Variants in ELMO1 observed in about 807,000 individuals in gnomAD.
ELMO1 encodes engulfment and cell motility protein 1.
ELMO1 carries 26 observed loss-of-function variants against 98.9 expected under a neutral mutation model. That is an observed-to-expected ratio of 0.26 (90% CI 0.19 to 0.36). The LOEUF (loss-of-function observed/expected upper bound fraction) is 0.36, where lower values mean the gene tolerates loss of function less well. Among genes scored for constraint, ELMO1 ranks in the 10% least tolerant of loss-of-function variants. The probability of loss-of-function intolerance (pLI) is 1.00; values close to 1 mark genes in which losing one functional copy is unlikely to be tolerated. For missense variants in ELMO1, 627 were observed against 935.2 expected (o/e 0.67, Z 4.30); for synonymous variants, 346 against 346.0 (o/e 1.00, Z 0.00).
chr7:37,201,603 C>T (rs534327004), intron 13 of ELMO1, among the ~76,000 whole-genome samples: 9 of 152,326 alleles, frequency 5.9e-5, no homozygotes, highest in Non-Finnish European at 8.8e-5. Context: ...CTTTAGAGCC[C>T]TCTAAGGAGA....
chr7:36,956,408 A>G (rs529270977), intron 16 of ELMO1, among the ~76,000 whole-genome samples: 2 of 152,196 alleles, frequency 1.3e-5, no homozygotes, highest in Non-Finnish European at 2.9e-5. Context: ...GAAATAAAAT[A>G]ATTAAGTCAG....
intron 15 of ELMO1, among the ~76,000 whole-genome samples, chr7:37,015,165 G>A (rs1416701290): frequency 1.3e-5 from 2 of 152,054 alleles, no homozygotes; most frequent in African/African-American, 4.8e-5. Flanking sequence ...ATAAAGTAAG[G>A]GCATGGGCCT....
At chr7:36,910,252 G>A (rs1056982079) in intron 16 of ELMO1, among the ~76,000 whole-genome samples, 1 of 152,256 alleles carries the variant, frequency 6.6e-6, no homozygotes, top group African/African-American at 2.4e-5. Flanking sequence ...TATAGTGGCA[G>A]AGCAGGGATT....
chr7:37,049,972 G>A (rs1796015504), intron 15 of ELMO1, among the ~76,000 whole-genome samples: 1 of 151,722 alleles, frequency 6.6e-6, no homozygotes, highest in Non-Finnish European at 1.5e-5. Context: ...TAGAGACAGG[G>A]TTTCTCCATG....
Position 37,096,807 on chromosome 7 carries a change from T to A in ELMO1, c.1192-80A>T, listed in dbSNP as rs1039186550. 3 of 1,263,732 alleles carry A rather than the reference T, an allele frequency of 2.4e-6. No homozygotes were observed. The Admixed American group carries it at 5.2e-5, about 22-fold the overall frequency. 78.3% of individuals were successfully genotyped at this position (1,263,732 alleles called of 1,614,324 possible). A position where few individuals can be genotyped will look rare whatever the true frequency, so the allele number is the denominator to read the frequency against. ...AGAATATCACCTTCATTCCAATAGA[T>A]GAATACATAGATCCACTTCAGATCC... On this transcript the variant is annotated intron_variant, in intron 14 of 21. Transcript: ENST00000310758.
At chr7:37,403,832 C>A (rs182844955) in intron 1 of ELMO1, among the ~76,000 whole-genome samples, 3 of 152,296 alleles carry the variant, frequency 2.0e-5, no homozygotes, top group Admixed American at 2.0e-4. Flanking sequence ...GGGCATGAGC[C>A]ACCATGCCCA....
At chr7:37,313,256 G>A (rs573184698) in intron 4 of ELMO1, among the ~76,000 whole-genome samples, 192 of 152,096 alleles carry the variant, frequency 1.3e-3, no homozygotes, top group Middle Eastern at 6.8e-3. Context: ...ATGGAGTCTC[G>A]CTCTGTCGCT....
chr7:37,092,448 A>G (rs927450970), intron 15 of ELMO1, among the ~76,000 whole-genome samples: 5 of 133,806 alleles, frequency 3.7e-5, no homozygotes, highest in Admixed American at 9.7e-5. Context: ...GTGCAATCTC[A>G]GCTCACTGCA....
Position 37,020,727 on chromosome 7 carries a change from A to AT in ELMO1, c.1301-7293dup, listed in dbSNP as rs138806629. ...TTGGGAGCACTGGGCAAATATGAATATTTTTTACCATGACTTCATGAGCTA... is the reference window on the plus strand; with the variant it reads ...TTGGGAGCACTGGGCAAATATGAATATTTTTTTACCATGACTTCATGAGCTA... On this transcript the variant is annotated intron_variant, in intron 15 of 21. Coordinates refer to ENST00000310758, the MANE Select transcript of ELMO1 (RefSeq NM_014800.11). 7.8e-3 allele frequency among the ~76,000 whole-genome samples: 1,193 copies of AT among 152,276 alleles called. 16 individuals carry two copies. Among genetic ancestry groups the AT allele is most frequent in the African/African-American group, 0.027 (1,135 of 41,530 alleles).
chr7:36,998,766 T>C lies in ELMO1; in HGVS notation c.1437+14533A>G, dbSNP rs151118644. ...AAGGACTGACACTATATTTTAGTGC[T>C]TTTTAGAGTCCTATTTCTCTTCTTT... On this transcript the variant is annotated intron_variant, in intron 16 of 21. Transcript: ENST00000310758. Among the ~76,000 whole-genome samples, 387 of 152,134 alleles carry C rather than the reference T, an allele frequency of 2.5e-3. 2 individuals carry two copies. The Middle Eastern group carries it at 0.038, about 15-fold the overall frequency.
At chr7:36,938,605 G>T (rs561316582) in intron 16 of ELMO1, among the ~76,000 whole-genome samples, 77 of 152,252 alleles carry the variant, frequency 5.1e-4, no homozygotes, top group African/African-American at 1.7e-3. Context: ...AATATTTAAG[G>T]TATGCATATA....
intron 5 of ELMO1, among the ~76,000 whole-genome samples, chr7:37,267,024 A>AT (rs1796280597): frequency 9.2e-6 from 1 of 108,718 alleles, no homozygotes; most frequent in Non-Finnish European, 1.9e-5. Context: ...AAAAAAAAAA[A>AT]AAATATGTAT....
At chr7:37,437,075 G>T (rs1201099488) in intron 1 of ELMO1, among the ~76,000 whole-genome samples, 1 of 152,182 alleles carries the variant, frequency 6.6e-6, no homozygotes, top group African/African-American at 2.4e-5. Context: ...TCCAAAGCAT[G>T]AATGGACCCA....
intron 4 of ELMO1, among the ~76,000 whole-genome samples, chr7:37,289,057 G>A (rs555480603): frequency 3.9e-5 from 6 of 152,170 alleles, no homozygotes; most frequent in Non-Finnish European, 7.3e-5. Flanking sequence ...CAAAAGAACA[G>A]ATGCCCAAGA....
At chr7:37,152,420 C>G (rs2129319540) in intron 13 of ELMO1, among the ~76,000 whole-genome samples, 1 of 148,614 alleles carries the variant, frequency 6.7e-6, no homozygotes, top group Middle Eastern at 3.6e-3. Flanking sequence ...CAGGTATGTT[C>G]TGGCACCTTG....
chr7:37,215,489 C>G (rs1793227749), intron 11 of ELMO1, among the ~76,000 whole-genome samples: 2 of 152,148 alleles, frequency 1.3e-5, no homozygotes, highest in Non-Finnish European at 2.9e-5. Flanking sequence ...GCAAATGAAT[C>G]AGTCCAGAGC....
At chr7:37,178,650 G>A (rs545894547) in intron 13 of ELMO1, among the ~76,000 whole-genome samples, 1 of 151,890 alleles carries the variant, frequency 6.6e-6, no homozygotes, top group African/African-American at 2.4e-5. Flanking sequence ...ACCATAGAAA[G>A]ATATTTAAAA....
At chr7:37,101,787 G>A (rs1004060858) in intron 14 of ELMO1, among the ~76,000 whole-genome samples, 12 of 151,814 alleles carry the variant, frequency 7.9e-5, no homozygotes, top group Admixed American at 6.5e-5. Flanking sequence ...ACACTAAAAC[G>A]GAGTCTGTCT....
chr7:37,422,370 G>A (rs534000167), intron 1 of ELMO1, among the ~76,000 whole-genome samples: 24 of 152,268 alleles, frequency 1.6e-4, no homozygotes, highest in South Asian at 1.0e-3. Context: ...CCAAGAGGTC[G>A]GAGTTATTGG....
Sources: allele counts gnomAD v4.1 joint callset (sites outside exome capture counted in the v4.1 genomes callset), GRCh38; gene constraint gnomAD v4.1.1; transcripts MANE v1.5; gene names NCBI Gene and HGNC (gene_info 2026-07-23, HGNC 2026-07-21).